The following CFAP206 variants were observed in gnomAD, a reference collection of about 807,000 sequenced individuals.
CFAP206 encodes cilia- and flagella-associated protein 206.
CFAP206 carries 53 observed loss-of-function variants against 65.4 expected under a neutral mutation model. The ratio of observed to expected loss-of-function variants is 0.81; its 90% CI spans 0.65 to 1.02. CFAP206 has a LOEUF of 1.02. Among genes scored for constraint, CFAP206 ranks in the 50% least tolerant of loss-of-function variants. CFAP206 has a pLI of 0.00. For synonymous variants in CFAP206, 250 were observed against 254.4 expected, an observed-to-expected ratio of 0.98 and a Z score of 0.17; for missense variants, 663 against 753.2, an observed-to-expected ratio of 0.88 and a Z score of 1.40.
chr6:87,433,747 A>C (rs1291308175), intron 10 of CFAP206, among the ~76,000 whole-genome samples: 1 of 152,250 alleles, frequency 6.6e-6, no homozygotes, highest in Non-Finnish European at 1.5e-5. Flanking sequence ...AAAATGTATA[A>C]ATTAAAATGA....
chr6:87,427,958 A>G (rs963267684), intron 8 of CFAP206, among the ~76,000 whole-genome samples: 1 of 75,582 alleles, frequency 1.3e-5, no homozygotes, highest in Non-Finnish European at 2.9e-5. Flanking sequence ...GGAACTTTCT[A>G]TTTTGCCACC....
intron 11 of CFAP206, chr6:87,435,409 A>C (rs1768246992): frequency 6.0e-6 from 1 of 166,726 alleles, no homozygotes; most frequent in South Asian, 1.6e-4. Flanking sequence ...AAACAATTTA[A>C]CAGGTTTAAA....
chr6:87,408,856 C>G (rs1397269081), intron 1 of CFAP206: 1 of 152,232 alleles, frequency 6.6e-6, no homozygotes, highest in South Asian at 2.1e-4. Flanking sequence ...CCTAGTGCTT[C>G]GTACTCATCC....
At chr6:87,444,933 C>A in intron 11 of CFAP206, 1 of 531,910 alleles carries the variant, frequency 1.9e-6, no homozygotes, top group South Asian at 1.4e-5. Context: ...TGGGCTGAAT[C>A]AGGATTTATT....
chr6:87,441,625 T>C (rs1768361445), intron 11 of CFAP206: 1 of 171,934 alleles, frequency 5.8e-6, no homozygotes, highest in Non-Finnish European at 1.2e-5. Flanking sequence ...TATCAGAATT[T>C]CCAGGGTTTA....
rs146405192 is a variant in CFAP206, at chr6:87,449,988, A to G, written c.1495-11034A>G. Among the ~76,000 whole-genome samples, 200 of 152,164 alleles carry G rather than the reference A, an allele frequency of 1.3e-3. 2 individuals are homozygous for G. The highest frequency in any genetic ancestry group is 4.2e-3 in the African/African-American group (173 of 41,516). ...ATATTTAAGTCTTCATTTTGAGTCA[A>G]TTTTTACATATGGTGAGAGATAGAG... On this transcript the variant is annotated intron_variant, in intron 11 of 12. Coordinates refer to ENST00000369562, the MANE Select transcript of CFAP206 (RefSeq NM_001031743.3).
intron 9 of CFAP206, among the ~76,000 whole-genome samples, chr6:87,429,477 G>A (rs187459775): frequency 4.1e-4 from 62 of 152,232 alleles, no homozygotes; most frequent in African/African-American, 1.5e-3. Context: ...TCTTTAGAAT[G>A]TTATTTGTTA....
chr6:87,416,053 C>T (rs1767825587), intron 5 of CFAP206, among the ~76,000 whole-genome samples, 179 bp downstream of exon 5: 2 of 151,614 alleles, frequency 1.3e-5, no homozygotes, highest in South Asian at 4.2e-4. Context: ...TGTATCCATT[C>T]TAAAACTCAA....
intron 11 of CFAP206, among the ~76,000 whole-genome samples, chr6:87,448,602 A>T (rs190540427): frequency 1.3e-5 from 2 of 152,174 alleles, no homozygotes; most frequent in African/African-American, 4.8e-5. Context: ...ACTAGAACTT[A>T]TTCCTCCTAT....
intron 7 of CFAP206, among the ~76,000 whole-genome samples, chr6:87,418,937 C>T (rs1489506386): frequency 6.6e-6 from 1 of 151,968 alleles, no homozygotes; most frequent in Non-Finnish European, 1.5e-5. Flanking sequence ...CATGGCAAAA[C>T]CCCATCTCTA....
chr6:87,454,769 C>T (rs1359252943), intron 11 of CFAP206, among the ~76,000 whole-genome samples: 18 of 140,172 alleles, frequency 1.3e-4, no homozygotes, highest in Non-Finnish European at 2.4e-4. Flanking sequence ...TGCTTGAACC[C>T]GGGAGGCAGA....
At chr6:87,444,436 G>C (rs971313555) in intron 11 of CFAP206, 31 of 224,152 alleles carry the variant, frequency 1.4e-4, no homozygotes, top group African/African-American at 6.9e-4. Context: ...TTACTAATGA[G>C]ATTTGTAACC....
At chr6:87,421,856 TA>T (rs1209305453) in intron 7 of CFAP206, among the ~76,000 whole-genome samples, 3 of 152,158 alleles carry the variant, frequency 2.0e-5, no homozygotes, top group Non-Finnish European at 4.4e-5. Flanking sequence ...ATAAGGCAAG[TA>T]AAAAAATCAG....
intron 11 of CFAP206, among the ~76,000 whole-genome samples, chr6:87,438,040 G>T (rs1768303480): frequency 6.6e-6 from 1 of 151,870 alleles, no homozygotes; most frequent in Admixed American, 6.6e-5. Flanking sequence ...AAAAGGAAAT[G>T]ATATTTGTTC....
intron 7 of CFAP206, among the ~76,000 whole-genome samples, chr6:87,419,723 A>G (rs1483449560): frequency 6.6e-6 from 1 of 152,158 alleles, no homozygotes; most frequent in Non-Finnish European, 1.5e-5. Context: ...TATTGGATGC[A>G]CTTGGTCTGT....
At chr6:87,415,568 G>T (rs1351922295) in intron 4 of CFAP206, 118 bp from the exon 5 acceptor site, 1 of 930,356 alleles carries the variant, frequency 1.1e-6, no homozygotes, top group African/African-American at 1.6e-5. Context: ...TACAGCTTAA[G>T]AAATTACTTG....
chr6:87,427,511 A>C (rs547090177), intron 8 of CFAP206, among the ~76,000 whole-genome samples: 1 of 152,324 alleles, frequency 6.6e-6, no homozygotes, highest in Non-Finnish European at 1.5e-5. Context: ...TTTGGTTTAA[A>C]AACCAAGAAA....
Position 87,464,037 on chromosome 6 carries a change from A to G in CFAP206, c.1656A>G (p.Lys552=), listed in dbSNP as rs747626231. 1.9e-6 allele frequency: 3 copies of G among 1,610,760 alleles called. No individual in the cohort carries two copies. Among genetic ancestry groups the G allele is most frequent in the Non-Finnish European group, 2.5e-6 (3 of 1,177,644 alleles). Residue 552 remains lysine, a synonymous_variant, in exon 13 of 13, where the codon AAA becomes AAG. Coordinates refer to ENST00000369562, the MANE Select transcript of CFAP206 (RefSeq NM_001031743.3). ...KAIKLANLRQ[K]VTHSVQTDLS... is the part of the protein sequence containing the mutation. Reference sequence around the variant, plus strand: ...CTCTTTAGGCTAATTTGCGCCAGAAAGTTACTCACTCAGTACAAACTGATC... The same window carrying G: ...CTCTTTAGGCTAATTTGCGCCAGAAGGTTACTCACTCAGTACAAACTGATC...
chr6:87,421,961 A>G (rs1767947426), intron 7 of CFAP206, among the ~76,000 whole-genome samples: 1 of 152,210 alleles, frequency 6.6e-6, no homozygotes, highest in Admixed American at 6.5e-5. Context: ...CTGCTTCTAT[A>G]AGTTTGACTA....
Sources: allele counts gnomAD v4.1 joint callset (sites outside exome capture counted in the v4.1 genomes callset), GRCh38; gene constraint gnomAD v4.1.1; transcripts MANE v1.5; gene names NCBI Gene and HGNC (gene_info 2026-07-23, HGNC 2026-07-21).